The following AFF3 variants were observed in gnomAD, a reference collection of about 807,000 sequenced individuals.
AFF3 encodes the protein ALF transcription elongation factor 3, also known as AF4/FMR2 family member 3.
In AFF3, 32 loss-of-function variants were observed where a neutral mutation model predicts 129.7. The ratio of observed to expected loss-of-function variants is 0.25; its 90% CI spans 0.19 to 0.33. The LOEUF is 0.33. AFF3 is among the 10% of genes least tolerant of loss of function. The probability of loss-of-function intolerance (pLI) is 1.00; values close to 1 mark genes in which losing one functional copy is unlikely to be tolerated. For missense variants in AFF3, 1,373 were observed against 1,592.0 expected (o/e 0.86, Z 2.34); for synonymous variants, 644 against 635.4 (o/e 1.01, Z -0.20).
At chr2:99,554,254 G>T in intron 24 of AFF3, 57 bp downstream of exon 24, 1 of 1,580,972 alleles carries the variant, frequency 6.3e-7, no homozygotes, top group Non-Finnish European at 8.7e-7. Context: ...CGAGGCAGAA[G>T]AATCGCTTGA....
chr2:99,785,702 A>G, intron 8 of AFF3, among the ~76,000 whole-genome samples: 1 of 152,124 alleles, frequency 6.6e-6, no homozygotes, highest in South Asian at 2.1e-4. Flanking sequence ...TTTCACATAC[A>G]CTCAAGAAAT....
At chr2:99,972,924 T>G (rs1678531609) in intron 7 of AFF3, among the ~76,000 whole-genome samples, 1 of 152,206 alleles carries the variant, frequency 6.6e-6, no homozygotes, top group Admixed American at 6.5e-5. Flanking sequence ...ATTCCTTTGT[T>G]AAACCTGGCA....
chr2:99,557,975 G>A (rs1159276137), intron 22 of AFF3, among the ~76,000 whole-genome samples: 1 of 152,142 alleles, frequency 6.6e-6, no homozygotes, highest in African/African-American at 2.4e-5. Flanking sequence ...ATGTAAGGTC[G>A]ACCTCACAAC....
rs148263744 is a variant in AFF3 at position 100,031,684 on chromosome 2, T to C, written c.54-22752A>G. Among the ~76,000 whole-genome samples, 8 of 152,368 alleles carry C rather than the reference T, an allele frequency of 5.3e-5. No homozygotes were observed. In the East Asian group the frequency reaches 1.2e-3, roughly 22 times the overall value. On this transcript the variant is annotated intron_variant, in intron 4 of 24. Coordinates refer to ENST00000672756, the MANE Select transcript of AFF3 (RefSeq NM_001386135.1). The stretch of plus-strand genomic sequence containing the variant: ...AACAACAATAACACAATAATGGGTA[T>C]GTATCAAAGGGTTACAGGAGGCAAT...
rs568132440 is a variant in AFF3, at chr2:99,551,537, C to T, written c.3618G>A (p.Glu1206=). The T allele has an allele frequency of 6.2e-7, 1 of 1,614,186 alleles. No individual in the cohort carries two copies. ...CCTGTTGGGAGTACTGGACCAGGTGCTCCATGCTGCTGTGCAGGGTGACCG... is the reference window on the plus strand; with the variant it reads ...CCTGTTGGGAGTACTGGACCAGGTGTTCCATGCTGCTGTGCAGGGTGACCG... ...MGPVTLHSSM[E]HLVQYSQQGL... is the part of the protein sequence containing the mutation. Residue 1206 remains glutamate (E), a synonymous_variant, in exon 25 of 25, where the codon GAG becomes GAA. Coordinates refer to ENST00000672756, the MANE Select transcript of AFF3 (RefSeq NM_001386135.1).
At chr2:99,934,414 A>G (rs1475109105) in intron 7 of AFF3, among the ~76,000 whole-genome samples, 1 of 152,164 alleles carries the variant, frequency 6.6e-6, no homozygotes, top group Non-Finnish European at 1.5e-5. Flanking sequence ...GCATGTATAG[A>G]GCTATAAAGG....
At chr2:99,726,854 T>C (rs145837244) in intron 11 of AFF3, among the ~76,000 whole-genome samples, 1 of 152,330 alleles carries the variant, frequency 6.6e-6, no homozygotes, top group Non-Finnish European at 1.5e-5. Context: ...ACATTTCTAC[T>C]TCATAAAGAG....
rs887710205 is a variant in AFF3 at position 99,990,796 on chromosome 2, T to C, written c.873+15836A>G. 3.5e-4 allele frequency among the ~76,000 whole-genome samples: 53 copies of C among 152,154 alleles called. 1 individual carries two copies. Among genetic ancestry groups the C allele is most frequent in the African/African-American group, 4.8e-5 (2 of 41,432 alleles). ...AAGAGCAATCAACAAGGTGTGGATA[T>C]GGTATGGATACGGAAAAAGAATCCA... On this transcript the variant is annotated intron_variant, in intron 7 of 24. Transcript: ENST00000672756.
At chr2:99,892,268 A>G (rs1250510376) in intron 7 of AFF3, among the ~76,000 whole-genome samples, 2 of 152,356 alleles carry the variant, frequency 1.3e-5, no homozygotes, top group East Asian at 3.9e-4. Flanking sequence ...AGCCATTTTT[A>G]TTCATTGTTA....
chr2:99,875,841 C>A (rs1158333389), intron 7 of AFF3, among the ~76,000 whole-genome samples: 1 of 152,198 alleles, frequency 6.6e-6, no homozygotes, highest in African/African-American at 2.4e-5. Flanking sequence ...CTCCAAACAG[C>A]CCCAGTCTGG....
intron 8 of AFF3, among the ~76,000 whole-genome samples, chr2:99,790,191 T>C (rs1042624417): frequency 3.5e-4 from 54 of 152,318 alleles, no homozygotes; most frequent in African/African-American, 1.1e-3. Flanking sequence ...AGAAAAGAAA[T>C]GTGACAGTAA....
intron 7 of AFF3, among the ~76,000 whole-genome samples, chr2:99,991,772 G>A (rs149972456): frequency 0.013 from 1,996 of 152,042 alleles, 53 homozygotes; most frequent in African/African-American, 0.045. Flanking sequence ...GCGTGGTGGC[G>A]CATACCTGTA....
intron 12 of AFF3, among the ~76,000 whole-genome samples, chr2:99,659,655 T>C (rs1001801967): frequency 1.3e-5 from 2 of 152,150 alleles, no homozygotes; most frequent in African/African-American, 4.8e-5. Context: ...TTCCAGATAG[T>C]TCCAGCCTTG....
At chr2:99,810,709 AC>A (rs1470130205) in intron 8 of AFF3, among the ~76,000 whole-genome samples, 7 of 152,190 alleles carry the variant, frequency 4.6e-5, no homozygotes, top group Non-Finnish European at 8.8e-5. Flanking sequence ...GTGGCTGAAA[AC>A]AACACAGATA....
intron 8 of AFF3, among the ~76,000 whole-genome samples, chr2:99,831,451 T>C (rs1688512480): frequency 6.6e-6 from 1 of 152,178 alleles, no homozygotes; most frequent in Non-Finnish European, 1.5e-5. Context: ...TACTGAACAC[T>C]AGCATTTCAC....
intron 7 of AFF3, among the ~76,000 whole-genome samples, chr2:99,994,249 C>T (rs369380390): frequency 2.0e-5 from 3 of 152,098 alleles, no homozygotes; most frequent in Non-Finnish European, 4.4e-5. Flanking sequence ...ACTTTAGGGA[C>T]TCAAATAGAA....
chr2:99,941,147 T>C (rs1675002106), intron 7 of AFF3, among the ~76,000 whole-genome samples: 2 of 152,008 alleles, frequency 1.3e-5, no homozygotes, highest in African/African-American at 4.8e-5. Context: ...AACTAACCCC[T>C]GCCAAGAAGG....
intron 22 of AFF3, among the ~76,000 whole-genome samples, chr2:99,556,436 C>T (rs573052397): frequency 4.0e-5 from 6 of 151,856 alleles, no homozygotes; most frequent in African/African-American, 9.7e-5. Flanking sequence ...AGCGAGACTC[C>T]GTCTCAAAAA....
intron 4 of AFF3, among the ~76,000 whole-genome samples, chr2:100,039,767 T>C (rs1341124775): frequency 6.6e-6 from 1 of 152,142 alleles, no homozygotes; most frequent in Non-Finnish European, 1.5e-5. Context: ...ACTTACTGGC[T>C]GGCTCTGGTG....
Sources: allele counts gnomAD v4.1 joint callset (sites outside exome capture counted in the v4.1 genomes callset), GRCh38; gene constraint gnomAD v4.1.1; transcripts MANE v1.5; gene names NCBI Gene and HGNC (gene_info 2026-07-23, HGNC 2026-07-21).